The following PTPDC1 variants were observed in gnomAD, a reference collection of about 807,000 sequenced individuals.
PTPDC1 encodes protein tyrosine phosphatase domain containing 1, also known as protein tyrosine phosphatase domain-containing protein 1.
Under a neutral mutation model 75.3 loss-of-function variants are expected in PTPDC1, and 53 were observed. The ratio of observed to expected loss-of-function variants is 0.70; its 90% CI spans 0.56 to 0.88. The LOEUF (loss-of-function observed/expected upper bound fraction) is 0.88, where lower values mean the gene tolerates loss of function less well. Among genes scored for constraint, PTPDC1 ranks in the 40% least tolerant of loss-of-function variants. PTPDC1 has a pLI of 0.00. For synonymous variants in PTPDC1, 349 were observed against 366.2 expected (o/e 0.95, Z 0.54); for missense variants, 925 against 998.6 (o/e 0.93, Z 0.99).
At chr9:94,080,674 A>G (rs535914143), upstream of PTPDC1, among the ~76,000 whole-genome samples, 9 of 152,350 alleles carry the variant, frequency 5.9e-5, no homozygotes, top group African/African-American at 2.2e-4. Flanking sequence ...ATACTCTTCA[A>G]AAGTGTCAAG....
rs573511476 is a variant in PTPDC1 at position 94,085,196 on chromosome 9, T to C, written c.245-55T>C. ...ATAAAATGGAAGCTATTTCCCATGTTACAATTTCATTTGGAGAGTGGAATT... is the reference window on the plus strand; with the variant it reads ...ATAAAATGGAAGCTATTTCCCATGTCACAATTTCATTTGGAGAGTGGAATT... On this transcript the variant is annotated intron_variant, in intron 1 of 8. Transcript: ENST00000620992. 5 of 1,491,858 alleles carry C rather than the reference T, an allele frequency of 3.4e-6. No individual in the cohort carries two copies. In the African/African-American group the frequency reaches 6.9e-5, roughly 21 times the overall value. The allele number at this position is 1,491,858 out of a possible 1,614,324, so 92.4% of individuals were successfully genotyped here.
Position 94,104,269 on chromosome 9 carries a change from A to C in PTPDC1, c.2200-6A>C, listed in dbSNP as rs1827939807. ...ATTTTTTAAATTTTGATTTCTACAA[A>C]AACAGGGACAGCACCAGACTATTCT... On this transcript the variant is annotated splice_region_variant and splice_polypyrimidine_tract_variant and intron_variant, in intron 7 of 8. Transcript: ENST00000620992. The C allele has an allele frequency of 6.3e-7, 1 of 1,591,624 alleles. No homozygotes were observed. Among genetic ancestry groups the C allele is most frequent in the South Asian group, 1.1e-5 (1 of 89,174 alleles).
At chr9:94,061,512 A>G (rs1490965948) in intron 1 of PTPDC1, among the ~76,000 whole-genome samples, 1 of 152,218 alleles carries the variant, frequency 6.6e-6, no homozygotes, top group Non-Finnish European at 1.5e-5. Flanking sequence ...GCAGTTCTCC[A>G]TGAGGGCTCT....
intron 4 of PTPDC1, among the ~76,000 whole-genome samples, chr9:94,094,580 C>T (rs955285752): frequency 6.6e-6 from 1 of 152,278 alleles, no homozygotes; most frequent in African/African-American, 2.4e-5. Context: ...GCAGGCAGGC[C>T]TCCTTGAGCT....
At chr9:94,067,399 A>AAAT (rs1020738016) in intron 2 of PTPDC1, among the ~76,000 whole-genome samples, 19 of 149,356 alleles carry the variant, frequency 1.3e-4, no homozygotes, top group African/African-American at 4.3e-4. Flanking sequence ...CAAAAAAAAA[A>AAAT]AATAATAATA....
At chr9:94,060,123 T>G (rs1025792153) in intron 1 of PTPDC1, among the ~76,000 whole-genome samples, 17 of 152,226 alleles carry the variant, frequency 1.1e-4, no homozygotes, top group African/African-American at 4.1e-4. Context: ...GAACTGCTGA[T>G]GTATCATCTG....
At chr9:94,050,617 GC>G (rs907677238) in intron 1 of PTPDC1, among the ~76,000 whole-genome samples, 2 of 152,192 alleles carry the variant, frequency 1.3e-5, no homozygotes, top group African/African-American at 4.8e-5. Context: ...GTGTCAGACT[GC>G]CCCTACTGGG....
At chr9:94,036,023 G>GTTTTTTTTTTTTTTT (rs200873026) in intron 1 of PTPDC1, among the ~76,000 whole-genome samples, 13 of 85,554 alleles carry the variant, frequency 1.5e-4, no homozygotes, top group Middle Eastern at 7.2e-3. Flanking sequence ...CGGATTATTT[G>GTTTTTTTTTTTTTTT]TTTTTTTTTT....
At chr9:94,073,423 T>C (rs1453259278) in intron 2 of PTPDC1, among the ~76,000 whole-genome samples, 1 of 152,164 alleles carries the variant, frequency 6.6e-6, no homozygotes, top group Non-Finnish European at 1.5e-5. Context: ...TTTTTGTCAG[T>C]CTTGCCAGAT....
At chr9:94,039,996 T>C (rs1438720484) in intron 1 of PTPDC1, among the ~76,000 whole-genome samples, 1 of 152,038 alleles carries the variant, frequency 6.6e-6, no homozygotes, top group East Asian at 1.9e-4. Flanking sequence ...TCTAAAGACT[T>C]CAAAAGCCAC....
At chr9:94,079,178 A>T (rs1826795696) in intron 2 of PTPDC1, among the ~76,000 whole-genome samples, 2 of 152,150 alleles carry the variant, frequency 1.3e-5, no homozygotes, top group Admixed American at 6.5e-5. Flanking sequence ...ACTTGACTAG[A>T]TCATCTTAGT....
chr9:94,036,391 T>A (rs897808421), intron 1 of PTPDC1, among the ~76,000 whole-genome samples: 2 of 152,160 alleles, frequency 1.3e-5, no homozygotes, highest in Non-Finnish European at 2.9e-5. Context: ...GTCCTGTTTG[T>A]TTCTTTTATT....
chr9:94,033,370 T>TA (rs1471481667), intron 1 of PTPDC1, among the ~76,000 whole-genome samples: 1 of 152,266 alleles, frequency 6.6e-6, no homozygotes, highest in Non-Finnish European at 1.5e-5. Flanking sequence ...CTGGATCGTT[T>TA]CACGTACCTC....
intron 2 of PTPDC1, among the ~76,000 whole-genome samples, chr9:94,066,443 G>A (rs1469012162): frequency 2.0e-5 from 3 of 151,948 alleles, no homozygotes; most frequent in African/African-American, 7.3e-5. Flanking sequence ...AAATTTAATT[G>A]GGGGGATACA....
Position 94,097,948 on chromosome 9 carries a change from A to G in PTPDC1, c.1382A>G (p.Gln461Arg). The G allele has an allele frequency of 1.9e-6, 3 of 1,614,196 alleles. No homozygotes were observed. The highest frequency in any genetic ancestry group is 1.7e-5 in the Admixed American group (1 of 60,030). The change falls in exon 6 of 9, where the codon CAA becomes CGA. Residue 461 changes from glutamine to arginine, a missense_variant. Physicochemically the swap from Gln to Arg is conservative, Grantham distance 43. Transcript: ENST00000620992. The stretch of plus-strand genomic sequence containing the variant: ...AAGAGGGCCGAGAACCTCCTGGAGC[A>G]AGGGGAGACTCCACAGACAGTGCCT... ...DLKRAENLLE[Q>R]GETPQTVPAQ...
intron 2 of PTPDC1, among the ~76,000 whole-genome samples, chr9:94,068,466 A>G (rs1056329256): frequency 6.6e-6 from 1 of 151,990 alleles, no homozygotes; most frequent in Non-Finnish European, 1.5e-5. Context: ...GACTGAGATT[A>G]TGCATTTTTG....
intron 4 of PTPDC1, among the ~76,000 whole-genome samples, chr9:94,091,009 C>T (rs1343748885): frequency 1.3e-5 from 2 of 152,148 alleles, no homozygotes; most frequent in Non-Finnish European, 2.9e-5. Context: ...TCTAGATATA[C>T]AATCATGTCG....
At chr9:94,064,874 A>T (rs1250740316) in intron 2 of PTPDC1, 1 of 1,334,516 alleles carries the variant, frequency 7.5e-7, no homozygotes, top group Non-Finnish European at 1.1e-6. Flanking sequence ...GGCATTTAAT[A>T]AAAGTAGCTA....
exon 2 of PTPDC1, chr9:94,064,812 A>G: frequency 6.2e-7 from 1 of 1,612,096 alleles, no homozygotes; most frequent in Non-Finnish European, 8.5e-7. Context: ...GTGTGTTGCA[A>G]ACATGAAAGG....
Sources: allele counts gnomAD v4.1 joint callset (sites outside exome capture counted in the v4.1 genomes callset), GRCh38; gene constraint gnomAD v4.1.1; transcripts MANE v1.5; gene names NCBI Gene and HGNC (gene_info 2026-07-23, HGNC 2026-07-21).